The following P2RX5 variants were observed in gnomAD, a reference collection of about 807,000 sequenced individuals.
The protein encoded by P2RX5 is purinergic receptor P2X 5.
A neutral mutation model predicts 54.1 loss-of-function variants in P2RX5; 46 were observed. The observed-to-expected ratio is 0.85, with a 90% confidence interval of 0.67 to 1.09. P2RX5 has a LOEUF of 1.09. Ranked by LOEUF, P2RX5 falls within the 50% of genes least tolerant of loss-of-function variation. The pLI is 0.00. For synonymous variants in P2RX5, 226 were observed against 226.4 expected, an observed-to-expected ratio of 1.00 and a Z score of 0.02; for missense variants, 566 against 549.8, an observed-to-expected ratio of 1.03 and a Z score of -0.29.
At chr17:3,703,419 T>G in the P2RX5 span, among the ~76,000 whole-genome samples, 1 of 152,190 alleles carries the variant, frequency 6.6e-6, no homozygotes, top group Admixed American at 6.5e-5. Flanking sequence ...TCCCAGCTCC[T>G]TGGGAGGCTG....
chr17:3,683,974 G>C (rs766887548), intron 9 of P2RX5, among the ~76,000 whole-genome samples: 6 of 152,228 alleles, frequency 3.9e-5, no homozygotes, highest in African/African-American at 4.8e-5. Flanking sequence ...TGTGCACAGG[G>C]AGAGGAATGA....
intron 1 of P2RX5, 97 bp downstream of exon 1, chr17:3,695,772 T>C (rs897618475): frequency 1.3e-6 from 2 of 1,489,814 alleles, no homozygotes; most frequent in African/African-American, 2.8e-5. Flanking sequence ...GAAAACCGCG[T>C]GCACGCCTGC....
Position 3,689,477 on chromosome 17 carries a change from G to C in P2RX5, c.753+15C>G, listed in dbSNP as rs567237140. On this transcript the variant is annotated intron_variant, in intron 7 of 11. Transcript: ENST00000225328. ...CAGGCCCTCAGGGAGGGCTCCCTGC[G>C]TGCACCCCACCCACCTCCAGGGCTA... 2 of 1,613,458 alleles carry C rather than the reference G, an allele frequency of 1.2e-6. No homozygotes were observed. The highest frequency in any genetic ancestry group is 1.7e-5 in the Admixed American group (1 of 60,004).
intron 1 of P2RX5, among the ~76,000 whole-genome samples, chr17:3,695,279 G>C (rs534105661): frequency 4.0e-4 from 61 of 152,224 alleles, no homozygotes; most frequent in Non-Finnish European, 7.2e-4. Flanking sequence ...GAGGATGGGG[G>C]AAGGGGATGG....
intron 6 of P2RX5, 116 bp downstream of exon 6, chr17:3,689,954 A>G: frequency 4.2e-6 from 4 of 945,474 alleles, no homozygotes; most frequent in East Asian, 2.4e-5. Context: ...GAACACACGC[A>G]CACACGTGCA....
chr17:3,722,659 AGG>A, the P2RX5 span, among the ~76,000 whole-genome samples: 1 of 152,160 alleles, frequency 6.6e-6, no homozygotes, highest in Admixed American at 6.6e-5. Flanking sequence ...CGATTATAAA[AGG>A]GGCAGTGGGA....
chr17:3,723,656 C>T, the P2RX5 span: 4 of 1,550,250 alleles, frequency 2.6e-6, no homozygotes, highest in East Asian at 9.5e-5. Flanking sequence ...GCCCTCCGCC[C>T]TCCCCTGGCC....
the P2RX5 span, among the ~76,000 whole-genome samples, chr17:3,707,336 A>G: frequency 6.6e-6 from 1 of 152,192 alleles, no homozygotes; most frequent in African/African-American, 2.4e-5. Flanking sequence ...AGCCCACCGA[A>G]CAGTCAGAAA....
intron 11 of P2RX5, chr17:3,677,139 G>A (rs371186903): frequency 1.0e-6 from 1 of 985,406 alleles, no homozygotes; most frequent in Non-Finnish European, 1.2e-6. Context: ...AGGTGGGTGT[G>A]GCCGTGGCAT....
At chr17:3,680,175 ATC>A (rs2050214218) in intron 10 of P2RX5, among the ~76,000 whole-genome samples, 2 of 32,994 alleles carry the variant, frequency 6.1e-5, no homozygotes, top group African/African-American at 2.7e-4. Flanking sequence ...TCCACCCTGC[ATC>A]CTCCACCCTG....
the P2RX5 span, among the ~76,000 whole-genome samples, chr17:3,713,631 T>G: frequency 6.6e-6 from 1 of 151,510 alleles, no homozygotes; most frequent in African/African-American, 2.4e-5. Flanking sequence ...ATGCCTGTAA[T>G]CCCAGTTACT....
At chr17:3,677,081 A>T in intron 11 of P2RX5, 1 of 985,006 alleles carries the variant, frequency 1.0e-6, no homozygotes, top group Non-Finnish European at 1.2e-6. Flanking sequence ...AATAAATAAA[A>T]AGCAAGGCCC....
At chr17:3,690,392 A>G in intron 5 of P2RX5, 35 bp downstream of exon 5, 1 of 1,520,896 alleles carries the variant, frequency 6.6e-7, no homozygotes, top group Non-Finnish European at 9.0e-7. Context: ...CGGGGCTGGG[A>G]AACCCCTCAG....
intron 11 of P2RX5, chr17:3,677,243 C>T: frequency 1.4e-5 from 14 of 985,342 alleles, no homozygotes; most frequent in Non-Finnish European, 1.6e-5. Context: ...CTCATTAGCA[C>T]TTCAGGCCCA....
chr17:3,701,576 C>A, the P2RX5 span, among the ~76,000 whole-genome samples: 1 of 151,764 alleles, frequency 6.6e-6, no homozygotes, highest in Non-Finnish European at 1.5e-5. Flanking sequence ...CCTGTAATCC[C>A]AGCTACTTGG....
chr17:3,679,002 C>T (rs887825337), intron 11 of P2RX5, among the ~76,000 whole-genome samples: 2 of 152,180 alleles, frequency 1.3e-5, no homozygotes, highest in South Asian at 2.1e-4. Flanking sequence ...CCTGGCAGCA[C>T]GGCCAGCACC....
Position 3,690,448 on chromosome 17 carries a change from A to G in P2RX5, c.512T>C (p.Leu171Ser), listed in dbSNP as rs1275740495. Residue 171 changes from leucine to serine, a missense_variant, in exon 5 of 12, where the codon TTG (leucine) becomes TCG (serine). By Grantham distance (145) the Leu-to-Ser change is moderately radical. Coordinates refer to ENST00000225328, the MANE Select transcript of P2RX5 (RefSeq NM_002561.4). Reference sequence around the variant, plus strand: ...TCACTCCGGCCTGGAGCTTGTCTCCAACGGGCACCAGGCAAAGATCTCACA... The same window carrying G: ...TCACTCCGGCCTGGAGCTTGTCTCCGACGGGCACCAGGCAAAGATCTCACA... ...GTCEIFAWCPLETSSRPEEPF... is the reference protein window; with the variant it reads ...GTCEIFAWCPSETSSRPEEPF... 6.2e-7 allele frequency: 1 copy of G among 1,612,314 alleles called. No individual in the cohort carries two copies. Among genetic ancestry groups the G allele is most frequent in the Non-Finnish European group, 8.5e-7 (1 of 1,179,464 alleles).
chr17:3,694,711 A>G (rs766519151), intron 1 of P2RX5, among the ~76,000 whole-genome samples: 3 of 152,188 alleles, frequency 2.0e-5, no homozygotes, highest in Non-Finnish European at 2.9e-5. Context: ...AAGCAACTCC[A>G]TTTATTCATT....
chr17:3,673,535 G>A lies in P2RX5; in HGVS notation c.*333C>T. 7.7e-7 allele frequency: 1 copy of A among 1,301,544 alleles called. No homozygotes were observed. Among genetic ancestry groups the A allele is most frequent in the East Asian group, 3.5e-5 (1 of 28,274 alleles). 80.6% of individuals were successfully genotyped at this position (1,301,544 alleles called of 1,614,324 possible). A position where few individuals can be genotyped will look rare whatever the true frequency, so the allele number is the denominator to read the frequency against. On this transcript the variant is annotated 3_prime_UTR_variant, in exon 12 of 12. Coordinates refer to ENST00000225328, the MANE Select transcript of P2RX5 (RefSeq NM_002561.4). Reference sequence around the variant, plus strand: ...TCTAGGAACTCTACAGGGCACTGCGGTCCTTAGCTGAGGTGCTCAAGGACT... The same window carrying A: ...TCTAGGAACTCTACAGGGCACTGCGATCCTTAGCTGAGGTGCTCAAGGACT...
Sources: allele counts gnomAD v4.1 joint callset (sites outside exome capture counted in the v4.1 genomes callset), GRCh38; gene constraint gnomAD v4.1.1; transcripts MANE v1.5; gene names NCBI Gene and HGNC (gene_info 2026-07-23, HGNC 2026-07-21).